TRIM71: variants seen among roughly 807,000 people sequenced by gnomAD.
TRIM71 encodes E3 ubiquitin-protein ligase TRIM71.
In TRIM71, 9 loss-of-function variants were observed where a neutral mutation model predicts 61.2. That is an observed-to-expected ratio of 0.15 (90% CI 0.09 to 0.26). The LOEUF is 0.26. Among genes scored for constraint, TRIM71 ranks in the 10% least tolerant of loss-of-function variants. TRIM71 has a pLI of 1.00. For missense variants in TRIM71, 998 were observed against 1,238.7 expected, an observed-to-expected ratio of 0.81 and a Z score of 2.92; for synonymous variants, 645 against 553.2, an observed-to-expected ratio of 1.17 and a Z score of -2.33.
chr3:32,871,315 C>G (rs900480806), intron 1 of TRIM71, among the ~76,000 whole-genome samples: 2 of 152,048 alleles, frequency 1.3e-5, no homozygotes, highest in African/African-American at 4.8e-5. Flanking sequence ...CCCCTTAGTC[C>G]GAAGGAAGCA....
At chr3:32,824,558 C>T (rs1483928913) in intron 1 of TRIM71, among the ~76,000 whole-genome samples, 5 of 152,030 alleles carry the variant, frequency 3.3e-5, no homozygotes, top group African/African-American at 1.2e-4. Context: ...TGTACAGCTC[C>T]TTAAAGCCTT....
chr3:32,830,992 A>G (rs1462146068), intron 1 of TRIM71, among the ~76,000 whole-genome samples: 1 of 151,684 alleles, frequency 6.6e-6, no homozygotes, highest in Non-Finnish European at 1.5e-5. Context: ...GATATTTTTT[A>G]GCAGAGACTA....
intron 2 of TRIM71, among the ~76,000 whole-genome samples, chr3:32,875,450 G>A (rs1000692260): frequency 6.6e-6 from 1 of 152,174 alleles, no homozygotes; most frequent in African/African-American, 2.4e-5. Context: ...GTCAAGAAAA[G>A]TTGTTCACCC....
At chr3:32,833,386 T>TC (rs1696297168) in intron 1 of TRIM71, among the ~76,000 whole-genome samples, 1 of 151,946 alleles carries the variant, frequency 6.6e-6, no homozygotes, top group Middle Eastern at 3.2e-3. Context: ...TAGTCCCACA[T>TC]CCCTCAGGCC....
At chr3:32,821,310 C>A (rs551913384) in intron 1 of TRIM71, among the ~76,000 whole-genome samples, 199 of 152,284 alleles carry the variant, frequency 1.3e-3, no homozygotes, top group Non-Finnish European at 2.0e-3. Flanking sequence ...AGCTCCTTAA[C>A]TGAGTTGCTT....
At chr3:32,859,447 T>C (rs1482693995) in intron 1 of TRIM71, among the ~76,000 whole-genome samples, 1 of 151,988 alleles carries the variant, frequency 6.6e-6, no homozygotes, top group African/African-American at 2.4e-5. Context: ...TTAGTAGAGA[T>C]GGGGTTTCAC....
intron 3 of TRIM71, among the ~76,000 whole-genome samples, chr3:32,889,559 A>AATTATT (rs35065462): frequency 0.11 from 15,311 of 139,398 alleles, 936 homozygotes; most frequent in Middle Eastern, 0.13. Flanking sequence ...GTTTTGTCCC[A>AATTATT]ATTATTATTA....
chr3:32,825,089 C>T (rs1324468104), intron 1 of TRIM71, among the ~76,000 whole-genome samples: 6 of 152,206 alleles, frequency 3.9e-5, no homozygotes, highest in Non-Finnish European at 5.9e-5. Flanking sequence ...GCCACTGTGC[C>T]TGGCCCTTAG....
chr3:32,883,082 A>G (rs1480965206), intron 2 of TRIM71, among the ~76,000 whole-genome samples: 3 of 152,084 alleles, frequency 2.0e-5, no homozygotes, highest in African/African-American at 2.4e-5. Flanking sequence ...CCATTTCCCT[A>G]TGCTAAATTC....
Position 32,818,894 on chromosome 3 carries a change from C to A in TRIM71, c.814C>A (p.Pro272Thr). Residue 272 changes from proline (P) to threonine (T), a missense_variant, in exon 1 of 4, where the codon CCC (proline) becomes ACC (threonine). Pro to Thr is a conservative substitution (Grantham distance 38). Transcript: ENST00000383763. ...GCCCTTCTCCATCCTCTCAGTGTTT[C>A]CCGAGCGCCTCGGCTTCTGCCAGCA... ...GPPFSILSVF[P>T]ERLGFCQHHD... is the part of the protein sequence containing the mutation. The A allele has an allele frequency of 6.2e-7, 1 of 1,612,712 alleles. No individual in the cohort carries two copies. The highest frequency in any genetic ancestry group is 8.5e-7 in the Non-Finnish European group (1 of 1,179,854).
chr3:32,846,502 G>A (rs1696476887), intron 1 of TRIM71, among the ~76,000 whole-genome samples: 1 of 152,138 alleles, frequency 6.6e-6, no homozygotes, highest in East Asian at 1.9e-4. Flanking sequence ...TATGTTTTTT[G>A]TAATGATAAT....
chr3:32,866,799 G>T (rs1696740847), intron 1 of TRIM71, among the ~76,000 whole-genome samples: 1 of 152,140 alleles, frequency 6.6e-6, no homozygotes, highest in African/African-American at 2.4e-5. Context: ...GGGAGCAGGG[G>T]CTTGCGAGGT....
intron 1 of TRIM71, among the ~76,000 whole-genome samples, chr3:32,848,889 C>T (rs1696506940): frequency 6.6e-6 from 1 of 152,172 alleles, no homozygotes; most frequent in Non-Finnish European, 1.5e-5. Flanking sequence ...TTTCAGAGCC[C>T]TGCCAGACAC....
chr3:32,855,715 G>C (rs1440529205), intron 1 of TRIM71, among the ~76,000 whole-genome samples: 1 of 152,190 alleles, frequency 6.6e-6, no homozygotes, highest in African/African-American at 2.4e-5. Context: ...CTGGCTGAGA[G>C]AGAGGAGGAA....
At chr3:32,858,844 T>C (rs1696634490) in intron 1 of TRIM71, among the ~76,000 whole-genome samples, 1 of 152,194 alleles carries the variant, frequency 6.6e-6, no homozygotes, top group Non-Finnish European at 1.5e-5. Context: ...TTTGAGGGCT[T>C]AGAAAAGTCT....
chr3:32,885,896 TTCTAATGCC>T lies in TRIM71; in HGVS notation c.1021-35_1021-27del, dbSNP rs771832655. On this transcript the variant is annotated intron_variant, in intron 2 of 3. Coordinates refer to ENST00000383763, the MANE Select transcript of TRIM71 (RefSeq NM_001039111.3). Reference sequence around the variant, plus strand: ...TGTTTTGTATAAGGAATGACAGTCCTTCTAATGCCTCGAAGTTGTTTCTTTTTGGTTTTC... The same window carrying T: ...TGTTTTGTATAAGGAATGACAGTCCTTCGAAGTTGTTTCTTTTTGGTTTTC... 6.1e-5 allele frequency: 98 copies of T among 1,600,270 alleles called. No individual in the cohort carries two copies. The African/African-American group carries it at 7.5e-4, about 12-fold the overall frequency.
Position 32,897,600 on chromosome 3 carries a change from A to C in TRIM71, c.*5789A>C, listed in dbSNP as rs1207174111. 1.3e-5 allele frequency: 2 copies of C among 152,228 alleles called. No individual in the cohort carries two copies. The highest frequency in any genetic ancestry group is 4.8e-5 in the African/African-American group (2 of 41,448). The allele number at this position is 152,228 out of a possible 1,614,324, so 9.4% of individuals were successfully genotyped here. On this transcript the variant is annotated 3_prime_UTR_variant, in exon 4 of 4. Coordinates refer to ENST00000383763, the MANE Select transcript of TRIM71 (RefSeq NM_001039111.3). ...GCCGCAGGCATGACAGGCAATGAGCAGGTGAAGAACCAATGGAAAAGTGTT... is the reference window on the plus strand; with the variant it reads ...GCCGCAGGCATGACAGGCAATGAGCCGGTGAAGAACCAATGGAAAAGTGTT...
chr3:32,889,920 G>A (rs1697005973), intron 3 of TRIM71, among the ~76,000 whole-genome samples: 1 of 149,506 alleles, frequency 6.7e-6, no homozygotes, highest in South Asian at 2.1e-4. Flanking sequence ...ATGTATGTAT[G>A]TGTATATATG....
chr3:32,837,406 C>G (rs1007495409), intron 1 of TRIM71, among the ~76,000 whole-genome samples: 7 of 152,124 alleles, frequency 4.6e-5, no homozygotes, highest in African/African-American at 1.7e-4. Flanking sequence ...GGTCATGGGT[C>G]TCAAAAGGAT....
Sources: allele counts gnomAD v4.1 joint callset (sites outside exome capture counted in the v4.1 genomes callset), GRCh38; gene constraint gnomAD v4.1.1; transcripts MANE v1.5; gene names NCBI Gene and HGNC (gene_info 2026-07-23, HGNC 2026-07-21).